The following DPY30 variants were observed in gnomAD, a reference collection of about 807,000 sequenced individuals.
The protein encoded by DPY30 is dpy-30 histone methyltransferase complex regulatory subunit.
In DPY30, 6 loss-of-function variants were observed where a neutral mutation model predicts 16.2. That is an observed-to-expected ratio of 0.37 (90% CI 0.20 to 0.73). The LOEUF (loss-of-function observed/expected upper bound fraction) is 0.73, where lower values mean the gene tolerates loss of function less well. Ranked by LOEUF, DPY30 falls within the 30% of genes least tolerant of loss-of-function variation. The pLI is 0.51. For missense variants in DPY30, 73 were observed against 113.1 expected (o/e 0.65, Z 1.61); for synonymous variants, 39 against 38.8 (o/e 1.00, Z -0.02).
intron 3 of DPY30, among the ~76,000 whole-genome samples, chr2:32,035,057 C>T (rs1026053817): frequency 3.3e-5 from 5 of 150,782 alleles, no homozygotes; most frequent in Admixed American, 1.3e-4. Flanking sequence ...TGCAGTGAGC[C>T]GAGAGCACGC....
At chr2:32,034,759 G>GAGGT (rs1415982894) in intron 3 of DPY30, among the ~76,000 whole-genome samples, 2 of 152,160 alleles carry the variant, frequency 1.3e-5, no homozygotes, top group Admixed American at 1.3e-4. Flanking sequence ...AGCACTTTGG[G>GAGGT]AGGTCAAGGC....
At chr2:32,012,799 C>A (rs1290609866) in intron 5 of DPY30, among the ~76,000 whole-genome samples, 1 of 152,098 alleles carries the variant, frequency 6.6e-6, no homozygotes, top group East Asian at 1.9e-4. Context: ...TGGTACTGTT[C>A]TGACAGTACC....
rs549636505 is a variant in DPY30 at position 32,033,046 on chromosome 2, C to A, written c.85-3310G>T. On this transcript the variant is annotated intron_variant, in intron 3 of 4. Transcript: ENST00000342166. ...TAATTTTTGGCAGGGCGCGGTGGCT[C>A]ATGCCTGTAATCCCAGTACTTTGGG... 3.3e-5 allele frequency among the ~76,000 whole-genome samples: 5 copies of A among 151,582 alleles called. No individual in the cohort carries two copies. In the East Asian group the frequency reaches 7.7e-4, roughly 23 times the overall value.
intron 3 of DPY30, 25 bp downstream of exon 3, chr2:32,039,254 G>T (rs1173082326): frequency 6.2e-7 from 1 of 1,614,038 alleles, no homozygotes; most frequent in African/African-American, 1.3e-5. Context: ...CAACACAGAT[G>T]AGGCATAGGA....
At chr2:32,035,693 G>A (rs1675708102) in intron 3 of DPY30, among the ~76,000 whole-genome samples, 1 of 152,048 alleles carries the variant, frequency 6.6e-6, no homozygotes, top group Middle Eastern at 3.4e-3. Flanking sequence ...CAGCACTTTG[G>A]GAGGCTGAGG....
intron 3 of DPY30, 28 bp from the exon 4 acceptor site, chr2:32,029,764 A>C (rs1675464534): frequency 1.2e-6 from 2 of 1,611,168 alleles, no homozygotes; most frequent in Non-Finnish European, 1.7e-6. Context: ...ACAGTGCATG[A>C]ACATTTCAAA....
At chr2:32,027,730 G>A (rs907875427) in intron 4 of DPY30, among the ~76,000 whole-genome samples, 5 of 144,522 alleles carry the variant, frequency 3.5e-5, no homozygotes, top group African/African-American at 5.1e-5. Context: ...CCGGGTTCAC[G>A]CCATTCTCCT....
chr2:32,032,122 T>C (rs970458960), intron 3 of DPY30, among the ~76,000 whole-genome samples: 4 of 152,148 alleles, frequency 2.6e-5, no homozygotes, highest in African/African-American at 4.8e-5. Flanking sequence ...GTAACATATA[T>C]AGCATGGTTT....
chr2:32,023,775 C>T (rs1170498934), downstream of DPY30: 4 of 1,305,412 alleles, frequency 3.1e-6, no homozygotes, highest in East Asian at 5.5e-5. Flanking sequence ...TTAAATTATA[C>T]TTGACTGCTG....
At chr2:32,023,399 G>T (rs752310781), downstream of DPY30, 21 of 464,130 alleles carry the variant, frequency 4.5e-5, no homozygotes, top group Middle Eastern at 3.7e-4. Context: ...GGTAGAACAG[G>T]ATTTGAATTC....
chr2:32,026,060 T>C lies in DPY30; in HGVS notation c.228-1804A>G, dbSNP rs893756561. Among the ~76,000 whole-genome samples, 6 of 152,114 alleles carry C rather than the reference T, an allele frequency of 3.9e-5. No homozygotes were observed. The South Asian group carries it at 1.0e-3, about 26-fold the overall frequency. On this transcript the variant is annotated intron_variant, in intron 4 of 4. Transcript: ENST00000342166. ...AGTTCGAGGCTTCAGTAAGCCATGATTGCCCCCACTGTATTCCAGCTGGGG... is the reference window on the plus strand; with the variant it reads ...AGTTCGAGGCTTCAGTAAGCCATGACTGCCCCCACTGTATTCCAGCTGGGG...
chr2:32,012,391 C>T (rs1378835206), intron 5 of DPY30, among the ~76,000 whole-genome samples: 3 of 149,174 alleles, frequency 2.0e-5, no homozygotes, highest in Admixed American at 1.3e-4. Flanking sequence ...AATGGACATA[C>T]CATGTATCCA....
intron 3 of DPY30, among the ~76,000 whole-genome samples, chr2:32,036,977 C>T (rs1191938548): frequency 6.6e-6 from 1 of 152,116 alleles, no homozygotes; most frequent in Non-Finnish European, 1.5e-5. Flanking sequence ...TATTTATTGA[C>T]GAGCAAAGAT....
chr2:32,031,135 T>A (rs958503005), intron 3 of DPY30, among the ~76,000 whole-genome samples: 2 of 152,098 alleles, frequency 1.3e-5, no homozygotes, highest in Non-Finnish European at 1.5e-5. Flanking sequence ...TATTAAAAAA[T>A]TTTGCGGCCA....
intron 4 of DPY30, among the ~76,000 whole-genome samples, chr2:32,027,181 C>T (rs1427029975): frequency 2.0e-5 from 3 of 146,802 alleles, no homozygotes; most frequent in Non-Finnish European, 3.0e-5. Context: ...GAGGCTGAAG[C>T]AGGAAAATCA....
At chr2:32,037,865 T>TA (rs984699012) in intron 3 of DPY30, among the ~76,000 whole-genome samples, 5 of 151,696 alleles carry the variant, frequency 3.3e-5, no homozygotes, top group African/African-American at 4.8e-5. Flanking sequence ...TATGCTTTAT[T>TA]AAAAAAAACA....
At chr2:32,032,857 A>G (rs1381017140) in intron 3 of DPY30, among the ~76,000 whole-genome samples, 2 of 151,906 alleles carry the variant, frequency 1.3e-5, no homozygotes, top group Admixed American at 1.3e-4. Context: ...TTATCTGGGC[A>G]TGGTGGCAGG....
At chr2:32,027,807 G>A (rs1572996574) in intron 4 of DPY30, among the ~76,000 whole-genome samples, 1 of 151,452 alleles carries the variant, frequency 6.6e-6, no homozygotes, top group African/African-American at 2.4e-5. Flanking sequence ...TTTTTGTATC[G>A]TTACTAGAGA....
chr2:32,023,410 C>CCATT (rs3832076), downstream of DPY30: 61,592 of 467,626 alleles, frequency 0.13, 4,708 homozygotes, highest in African/African-American at 0.23. Context: ...ATTTGAATTC[C>CCATT]CAAAAACTTA....
Sources: allele counts gnomAD v4.1 joint callset (sites outside exome capture counted in the v4.1 genomes callset), GRCh38; gene constraint gnomAD v4.1.1; transcripts MANE v1.5; gene names NCBI Gene and HGNC (gene_info 2026-07-23, HGNC 2026-07-21).